Variants in SCAMP1 observed in about 807,000 individuals in gnomAD.
SCAMP1 encodes secretory carrier-associated membrane protein 1.
In SCAMP1, 15 loss-of-function variants were observed where a neutral mutation model predicts 41.8. The observed-to-expected ratio is 0.36, with a 90% CI of 0.24 to 0.55. SCAMP1 has a LOEUF of 0.55. Ranked by LOEUF, SCAMP1 falls within the 20% of genes least tolerant of loss-of-function variation. The probability of loss-of-function intolerance (pLI) is 0.86; values close to 1 mark genes in which losing one functional copy is unlikely to be tolerated. For missense variants in SCAMP1, 341 were observed against 412.6 expected (o/e 0.83, Z 1.50); for synonymous variants, 135 against 136.8 (o/e 0.99, Z 0.09).
intron 6 of SCAMP1, among the ~76,000 whole-genome samples, chr5:78,429,198 TAGG>T (rs972228733): frequency 7.2e-5 from 11 of 152,196 alleles, no homozygotes; most frequent in Non-Finnish European, 1.2e-4. Flanking sequence ...AGAATAGAAG[TAGG>T]AGGAGTAACA....
intron 6 of SCAMP1, among the ~76,000 whole-genome samples, chr5:78,432,841 G>C (rs148196693): frequency 2.0e-5 from 3 of 151,870 alleles, no homozygotes; most frequent in Admixed American, 6.6e-5. Flanking sequence ...CTTCTTTATC[G>C]TCGCTTTCTG....
chr5:78,473,132 G>A (rs568899954), intron 8 of SCAMP1, among the ~76,000 whole-genome samples: 1 of 151,930 alleles, frequency 6.6e-6, no homozygotes, highest in African/African-American at 2.4e-5. Flanking sequence ...ATAGTGCTAA[G>A]GTACTAGGGG....
At chr5:78,442,098 T>G (rs564058740) in intron 6 of SCAMP1, among the ~76,000 whole-genome samples, 1 of 152,234 alleles carries the variant, frequency 6.6e-6, no homozygotes, top group African/African-American at 2.4e-5. Flanking sequence ...TGCTGCACTC[T>G]AGACTGGGTG....
At position 78,476,492 on chromosome 5, in the gene SCAMP1, A is replaced by G. The variant is rs1754008456; in HGVS notation, c.*824A>G. On this transcript the variant is annotated 3_prime_UTR_variant, in exon 9 of 9. Coordinates refer to ENST00000621999, the MANE Select transcript of SCAMP1 (RefSeq NM_004866.6). ...TAGTGGTAATAATTCCTTTTTAAAA[A>G]AATTTCGGTAGTCATATAGTAACAT... 2 of 152,618 alleles carry G rather than the reference A, an allele frequency of 1.3e-5. No individual in the cohort carries two copies. The highest frequency in any genetic ancestry group is 4.8e-5 in the African/African-American group (2 of 41,452). The allele number at this position is 152,618 out of a possible 1,614,324, so 9.5% of individuals were successfully genotyped here. A position where few individuals can be genotyped will look rare whatever the true frequency, so the allele number is the denominator to read the frequency against.
intron 1 of SCAMP1, among the ~76,000 whole-genome samples, chr5:78,361,617 A>G (rs748558545): frequency 5.3e-5 from 8 of 152,250 alleles, no homozygotes; most frequent in Non-Finnish European, 1.0e-4. Context: ...CGTTTAAATG[A>G]ATGCAACATC....
chr5:78,440,636 A>T lies in SCAMP1; in HGVS notation c.633-9297A>T, dbSNP rs531990240. On this transcript the variant is annotated intron_variant, in intron 6 of 8. Transcript: ENST00000621999. ...TGGCCCCTACTGGGAGGTGCCTCCC[A>T]GTTAGGCTACTCTGGGGTCAGGGAC... Among the ~76,000 whole-genome samples, 16 of 152,282 alleles carry T rather than the reference A, an allele frequency of 1.1e-4. 1 individual carries two copies. The South Asian group carries it at 3.1e-3, about 30-fold the overall frequency.
chr5:78,458,922 A>G (rs1265240394), intron 7 of SCAMP1, among the ~76,000 whole-genome samples: 1 of 152,202 alleles, frequency 6.6e-6, no homozygotes, highest in Non-Finnish European at 1.5e-5. Flanking sequence ...TAAGCTTAAA[A>G]AATGTACAGC....
At chr5:78,466,541 T>A (rs1753755656) in intron 8 of SCAMP1, among the ~76,000 whole-genome samples, 1 of 152,166 alleles carries the variant, frequency 6.6e-6, no homozygotes, top group African/African-American at 2.4e-5. Flanking sequence ...ATTCAGGGAA[T>A]TAAATGTAGC....
intron 8 of SCAMP1, among the ~76,000 whole-genome samples, chr5:78,464,236 C>G (rs564797203): frequency 8.5e-5 from 13 of 152,214 alleles, no homozygotes; most frequent in African/African-American, 3.1e-4. Flanking sequence ...CTCCAACTCC[C>G]TGGTTCAAGC....
chr5:78,428,967 A>G (rs1752532401), intron 6 of SCAMP1, among the ~76,000 whole-genome samples: 1 of 152,108 alleles, frequency 6.6e-6, no homozygotes, highest in Non-Finnish European at 1.5e-5. Flanking sequence ...GTATCATTCT[A>G]CCTTGCTAAC....
chr5:78,363,044 C>T (rs1051323128), intron 1 of SCAMP1, among the ~76,000 whole-genome samples: 49 of 151,984 alleles, frequency 3.2e-4, no homozygotes, highest in African/African-American at 1.2e-3. Context: ...AGGTGCCCGC[C>T]ACCACACCCG....
At position 78,379,710 on chromosome 5, in the gene SCAMP1, GTATT is replaced by G. The variant is rs1240196566; in HGVS notation, c.58-9124_58-9121del. ...CTTATTTATTTATTGGCTTTTAAAAGTATTTAAGGTGAATTTTAGCACACTCAAG... is the reference window on the plus strand; with the variant it reads ...CTTATTTATTTATTGGCTTTTAAAAGTAAGGTGAATTTTAGCACACTCAAG... On this transcript the variant is annotated intron_variant, in intron 1 of 8. Coordinates refer to ENST00000621999, the MANE Select transcript of SCAMP1 (RefSeq NM_004866.6). Among the ~76,000 whole-genome samples, 13 of 152,308 alleles carry G rather than the reference GTATT, an allele frequency of 8.5e-5. No homozygotes were observed. In the East Asian group the frequency reaches 1.5e-3, roughly 18 times the overall value.
At position 78,477,285 on chromosome 5, in the gene SCAMP1, A is replaced by C. The variant is rs893427302; in HGVS notation, c.*1617A>C. 14 of 152,200 alleles carry C rather than the reference A, an allele frequency of 9.2e-5. No individual in the cohort carries two copies. Among genetic ancestry groups the C allele is most frequent in the African/African-American group, 3.4e-4 (14 of 41,554 alleles). 9.4% of individuals were successfully genotyped at this position (152,200 alleles called of 1,614,324 possible). On this transcript the variant is annotated 3_prime_UTR_variant, in exon 9 of 9. Transcript: ENST00000621999. ...TTACATTTGATTTATTTGGGATCTT[A>C]TTGACATCAGGTATACTTGGAAGAC...
In SCAMP1 at chr5:78,418,791, G is replaced by T; in HGVS notation, c.360G>T (p.Trp120Cys). The change falls in exon 5 of 9, where the codon TGG becomes TGT. Residue 120 changes from tryptophan (W) to cysteine (C), a missense_variant. Physicochemically the swap from Trp to Cys is radical, Grantham distance 215 (BLOSUM62 -2). Transcript: ENST00000621999. ...NLSQHGRKNN[W>C]PPLPSNFPVG... is the part of the protein sequence containing the mutation. ...AATTTACAGGTAGAAAAAATAATTG[G>T]CCACCTCTTCCTAGCAATTTTCCTG... 1 of 1,539,366 alleles carries T rather than the reference G, an allele frequency of 6.5e-7. No homozygotes were observed.
At chr5:78,404,453 GT>G (rs3058233) in intron 2 of SCAMP1, among the ~76,000 whole-genome samples, 34,487 of 97,798 alleles carry the variant, frequency 0.35, 4,957 homozygotes, top group Middle Eastern at 0.44. Context: ...AGCCTTACAG[GT>G]TTTTTTTTTT....
intron 2 of SCAMP1, among the ~76,000 whole-genome samples, chr5:78,404,130 A>T (rs1299987432): frequency 6.6e-6 from 1 of 151,590 alleles, no homozygotes; most frequent in African/African-American, 2.4e-5. Flanking sequence ...AAAAAAAAAA[A>T]AAAGGGTTTT....
intron 6 of SCAMP1, among the ~76,000 whole-genome samples, chr5:78,447,500 C>G (rs1187439273): frequency 1.3e-5 from 2 of 152,112 alleles, no homozygotes; most frequent in Non-Finnish European, 2.9e-5. Context: ...GAACGTAATG[C>G]AGAAAGGACA....
At chr5:78,423,495 A>G (rs11949403) in intron 6 of SCAMP1, among the ~76,000 whole-genome samples, 69,361 of 151,902 alleles carry the variant, frequency 0.46, 16,633 homozygotes, top group Non-Finnish European at 0.51. Context: ...CACATTACCA[A>G]TATGTTATCG....
At chr5:78,376,512 A>G (rs1751069440) in intron 1 of SCAMP1, among the ~76,000 whole-genome samples, 1 of 152,190 alleles carries the variant, frequency 6.6e-6, no homozygotes, top group Non-Finnish European at 1.5e-5. Context: ...GTTTGTCTCC[A>G]GTTCTTAGCA....
Sources: gnomAD v4.1 joint callset for allele counts (sites outside exome capture counted in the v4.1 genomes callset) on GRCh38, gnomAD v4.1.1 for gene constraint, MANE v1.5 for transcripts, NCBI Gene and HGNC (gene_info 2026-07-23, HGNC 2026-07-21) for gene names.